Variants in OR2L13 observed in about 807,000 individuals in gnomAD.
The protein encoded by OR2L13 is olfactory receptor 2L13.
In OR2L13, 14 loss-of-function variants were observed where a neutral mutation model predicts 15.3. The ratio of observed to expected loss-of-function variants is 0.91; its 90% CI spans 0.60 to 1.43. The LOEUF (loss-of-function observed/expected upper bound fraction) is 1.43. Among genes scored for constraint, OR2L13 ranks in the 40% most tolerant of loss-of-function variants. The pLI, the probability that OR2L13 is intolerant of heterozygous loss-of-function variation, is 0.00. For synonymous variants in OR2L13, 152 were observed against 142.9 expected (o/e 1.06, Z -0.45); for missense variants, 367 against 387.9 (o/e 0.95, Z 0.45).
the OR2L13 span, among the ~76,000 whole-genome samples, chr1:247,971,726 C>T: frequency 0.83 from 126,369 of 152,122 alleles, 54,525 homozygotes; most frequent in South Asian, 0.97. Flanking sequence ...TGAAAATTTA[C>T]AAGGATATTC....
At chr1:247,956,709 G>A in the OR2L13 span, among the ~76,000 whole-genome samples, 1 of 151,514 alleles carries the variant, frequency 6.6e-6, no homozygotes, top group African/African-American at 2.4e-5. Flanking sequence ...TGAAGCAATT[G>A]TGAATGGGAG....
chr1:248,093,165 A>C (rs1384442363), upstream of OR2L13, among the ~76,000 whole-genome samples: 2 of 152,132 alleles, frequency 1.3e-5, no homozygotes, highest in East Asian at 3.9e-4. Flanking sequence ...TATTTTTCCC[A>C]GAGGAGTCTA....
At chr1:247,945,581 T>C in the OR2L13 span, among the ~76,000 whole-genome samples, 421 of 152,302 alleles carry the variant, frequency 2.8e-3, 3 homozygotes, top group Middle Eastern at 0.024. Context: ...CAAGATCTAA[T>C]AGTGACAGTG....
chr1:247,973,830 G>A, the OR2L13 span, among the ~76,000 whole-genome samples: 2 of 152,274 alleles, frequency 1.3e-5, no homozygotes, highest in South Asian at 2.1e-4. Context: ...ACTACTAATG[G>A]GAGTGTAAAT....
At chr1:248,099,440 C>T (rs1353156706) in exon 3 of OR2L13, 1 of 1,613,900 alleles carries the variant, frequency 6.2e-7, no homozygotes, top group Non-Finnish European at 8.5e-7. Flanking sequence ...CCAAATCAAA[C>T]TGGAATATTT....
At chr1:248,094,742 A>G (rs1469906248), upstream of OR2L13, among the ~76,000 whole-genome samples, 3 of 152,200 alleles carry the variant, frequency 2.0e-5, no homozygotes, top group Non-Finnish European at 4.4e-5. Context: ...ATTTAGTCAC[A>G]ATCATCAATC....
At chr1:248,053,476 G>A in the OR2L13 span, among the ~76,000 whole-genome samples, 12 of 152,142 alleles carry the variant, frequency 7.9e-5, no homozygotes, top group South Asian at 2.1e-4. Flanking sequence ...ACCCAGTAAC[G>A]GGAATGCCGG....
the OR2L13 span, among the ~76,000 whole-genome samples, chr1:248,057,932 C>G: frequency 1.3e-5 from 2 of 152,024 alleles, no homozygotes; most frequent in African/African-American, 4.8e-5. Flanking sequence ...AATTTTAGTT[C>G]TTTCTTTTGA....
upstream of OR2L13, among the ~76,000 whole-genome samples, chr1:248,096,680 T>C (rs1158629878): frequency 6.6e-6 from 1 of 152,198 alleles, no homozygotes; most frequent in Non-Finnish European, 1.5e-5. Flanking sequence ...CTCCTGCTGA[T>C]TGTTTAAAAG....
chr1:247,991,004 T>C, the OR2L13 span: 1 of 1,516,884 alleles, frequency 6.6e-7, no homozygotes, highest in Non-Finnish European at 9.2e-7. Context: ...CACCTCACTG[T>C]AGTGACTTTC....
chr1:247,959,212 G>C, the OR2L13 span, among the ~76,000 whole-genome samples: 4 of 151,910 alleles, frequency 2.6e-5, no homozygotes, highest in African/African-American at 9.7e-5. Flanking sequence ...AGCTTAGTTT[G>C]GCTGGATATG....
chr1:247,981,365 T>A, the OR2L13 span, among the ~76,000 whole-genome samples: 2 of 152,080 alleles, frequency 1.3e-5, no homozygotes, highest in Non-Finnish European at 2.9e-5. Context: ...TGTAAAGCAA[T>A]AATATATATT....
chr1:248,061,503 T>C, the OR2L13 span: 121 of 1,613,852 alleles, frequency 7.5e-5, no homozygotes, highest in Non-Finnish European at 9.8e-5. Flanking sequence ...AGGTTCTGGC[T>C]GTCTTCTACA....
upstream of OR2L13, among the ~76,000 whole-genome samples, chr1:248,094,291 T>C (rs928254572): frequency 1.3e-5 from 2 of 152,118 alleles, no homozygotes; most frequent in African/African-American, 2.4e-5. Flanking sequence ...TGACATAAAA[T>C]ATAGCAGTTA....
At chr1:247,960,631 T>C in the OR2L13 span, among the ~76,000 whole-genome samples, 1 of 152,270 alleles carries the variant, frequency 6.6e-6, no homozygotes, top group African/African-American at 2.4e-5. Context: ...TACTCAAGCC[T>C]CAGCAATGGC....
the OR2L13 span, chr1:247,939,149 A>G: frequency 6.6e-6 from 1 of 152,240 alleles, no homozygotes; most frequent in Non-Finnish European, 1.5e-5. Flanking sequence ...GATTCTGCTT[A>G]ATAAACTGCT....
the OR2L13 span, chr1:248,061,474 C>T: frequency 4.6e-5 from 74 of 1,613,828 alleles, no homozygotes; most frequent in Middle Eastern, 1.6e-4. Context: ...AAGATCCCTG[C>T]GATCTCCAAC....
At chr1:248,048,716 T>A in the OR2L13 span, among the ~76,000 whole-genome samples, 1 of 152,096 alleles carries the variant, frequency 6.6e-6, no homozygotes, top group Non-Finnish European at 1.5e-5. Flanking sequence ...CGGAGATCAG[T>A]TTCTGGAAGT....
At chr1:248,096,362 G>A (rs954820219), upstream of OR2L13, among the ~76,000 whole-genome samples, 9 of 148,500 alleles carry the variant, frequency 6.1e-5, no homozygotes, top group South Asian at 4.2e-4. Context: ...CAGCCTGGGC[G>A]ACACAGTGAG....
Sources: gnomAD v4.1 joint callset for allele counts (sites outside exome capture counted in the v4.1 genomes callset) on GRCh38, gnomAD v4.1.1 for gene constraint, MANE v1.5 for transcripts, NCBI Gene and HGNC (gene_info 2026-07-23, HGNC 2026-07-21) for gene names.